The following ANKRD12 variants were observed in gnomAD, a reference collection of about 807,000 sequenced individuals.
ANKRD12 encodes ankyrin repeat domain-containing protein 12.
ANKRD12 carries 85 observed loss-of-function variants against 183.4 expected under a neutral mutation model. The ratio of observed to expected loss-of-function variants is 0.46; its 90% CI spans 0.39 to 0.56. The LOEUF (loss-of-function observed/expected upper bound fraction) is 0.56, where lower values mean the gene tolerates loss of function less well. Ranked by LOEUF, ANKRD12 falls within the 20% of genes least tolerant of loss-of-function variation. The pLI is 0.00. For synonymous variants in ANKRD12, 914 were observed against 800.2 expected (o/e 1.14, Z -2.40); for missense variants, 2,405 against 2,357.1 (o/e 1.02, Z -0.42).
chr18:9,242,012 G>A (rs552632592), intron 8 of ANKRD12, among the ~76,000 whole-genome samples: 1 of 151,040 alleles, frequency 6.6e-6, no homozygotes, highest in South Asian at 2.1e-4. Context: ...GTGTCTATAA[G>A]TCAAAATATC....
At chr18:9,153,498 T>A (rs1468866440) in intron 1 of ANKRD12, among the ~76,000 whole-genome samples, 2 of 152,252 alleles carry the variant, frequency 1.3e-5, no homozygotes, top group South Asian at 2.1e-4. Context: ...CTTGGATTCA[T>A]GTTTACTTAC....
At chr18:9,169,118 C>T (rs2032409211) in intron 1 of ANKRD12, among the ~76,000 whole-genome samples, 1 of 152,076 alleles carries the variant, frequency 6.6e-6, no homozygotes, top group Non-Finnish European at 1.5e-5. Flanking sequence ...TTTACATTTG[C>T]TGAGGAGTGC....
At chr18:9,177,980 T>A (rs1348369877) in intron 1 of ANKRD12, among the ~76,000 whole-genome samples, 1 of 152,252 alleles carries the variant, frequency 6.6e-6, no homozygotes, top group Non-Finnish European at 1.5e-5. Context: ...GTTATTTATA[T>A]GTTCTGGATA....
intron 8 of ANKRD12, among the ~76,000 whole-genome samples, chr18:9,239,926 T>C (rs2037562478): frequency 1.3e-5 from 2 of 152,262 alleles, no homozygotes; most frequent in Non-Finnish European, 2.9e-5. Context: ...ATGCCAGTGC[T>C]ACTCAGAGTA....
chr18:9,193,135 A>ATTTT (rs397751904), intron 2 of ANKRD12, among the ~76,000 whole-genome samples: 2 of 128,466 alleles, frequency 1.6e-5, no homozygotes, highest in Non-Finnish European at 3.3e-5. Context: ...TGAGTACAGC[A>ATTTT]TTTTTTTTTT....
At chr18:9,236,636 C>T (rs954991241) in intron 8 of ANKRD12, among the ~76,000 whole-genome samples, 1 of 128,098 alleles carries the variant, frequency 7.8e-6, no homozygotes, top group African/African-American at 2.9e-5. Context: ...GGAATAGATC[C>T]AGGAGACGTA....
intron 8 of ANKRD12, among the ~76,000 whole-genome samples, chr18:9,253,934 T>C (rs557274188): frequency 1.3e-5 from 2 of 152,286 alleles, no homozygotes; most frequent in South Asian, 4.1e-4. Context: ...CAGGACTATG[T>C]TTTTATACTA....
chr18:9,251,652 T>C lies in ANKRD12; in HGVS notation c.944-2559T>C, dbSNP rs933817107. 1.9e-4 allele frequency among the ~76,000 whole-genome samples: 29 copies of C among 151,888 alleles called. 1 individual carries two copies. The highest frequency in any genetic ancestry group is 6.0e-4 in the African/African-American group (25 of 41,346). ...CTACTGAAGATACAAAAATTAGACA[T>C]GCGTGGTGGCAGGCGCCTGTAGTCC... On this transcript the variant is annotated intron_variant, in intron 8 of 12. Coordinates refer to ENST00000262126, the MANE Select transcript of ANKRD12 (RefSeq NM_015208.5).
intron 4 of ANKRD12, among the ~76,000 whole-genome samples, chr18:9,205,549 G>GC (rs2144565158): frequency 6.6e-6 from 1 of 152,050 alleles, no homozygotes; most frequent in African/African-American, 2.4e-5. Flanking sequence ...AGGGGGTGGG[G>GC]CATATTTACA....
At chr18:9,190,056 T>C (rs1445925162) in intron 2 of ANKRD12, among the ~76,000 whole-genome samples, 1 of 152,256 alleles carries the variant, frequency 6.6e-6, no homozygotes, top group African/African-American at 2.4e-5. Flanking sequence ...TTCACCATTT[T>C]AGATGCCATT....
chr18:9,262,090 CTGAT>C (rs1210818633), intron 9 of ANKRD12, among the ~76,000 whole-genome samples: 3 of 152,182 alleles, frequency 2.0e-5, no homozygotes, highest in Non-Finnish European at 4.4e-5. Flanking sequence ...TGTGATTCAA[CTGAT>C]TGAGTCTTTG....
rs982045052 is a variant in ANKRD12 at position 9,284,030 on chromosome 18, A to G, written c.*2904A>G. 2.0e-5 allele frequency: 3 copies of G among 152,338 alleles called. No homozygotes were observed. Among genetic ancestry groups the G allele is most frequent in the Admixed American group, 2.0e-4 (3 of 15,310 alleles). The allele number at this position is 152,338 out of a possible 1,614,324, so 9.4% of individuals were successfully genotyped here. On this transcript the variant is annotated 3_prime_UTR_variant, in exon 13 of 13. Coordinates refer to ENST00000262126, the MANE Select transcript of ANKRD12 (RefSeq NM_015208.5). Reference sequence around the variant, plus strand: ...AATTTTTTGGTTTCCCAGTGCATATAAAAGTTTTGTTTATACTATATTAAG... The same window carrying G: ...AATTTTTTGGTTTCCCAGTGCATATGAAAGTTTTGTTTATACTATATTAAG...
rs755824178 is a variant in ANKRD12, at chr18:9,257,565, A to G, written c.4298A>G (p.Asp1433Gly). The G allele has an allele frequency of 5.0e-6, 8 of 1,613,944 alleles. No homozygotes were observed. Among genetic ancestry groups the G allele is most frequent in the Non-Finnish European group, 6.8e-6 (8 of 1,179,984 alleles). Residue 1433 changes from aspartate to glycine, a missense_variant, in exon 9 of 13, where the codon GAC becomes GGC. This residue lies in a region of ANKRD12 where 1,983 missense variants were observed against 1,725.9 expected (regional missense o/e 1.15). Transcript: ENST00000262126. ...AGACTAGAGACATTAAGCACCAGAG[A>G]CTTTATCTGCCCAAATTCTAACATA... ...VDRLETLSTR[D>G]FICPNSNIPD...
chr18:9,256,753 C>T lies in ANKRD12; in HGVS notation c.3486C>T (p.Asn1162=), dbSNP rs774258513. The change falls in exon 9 of 13, where the codon AAC becomes AAT. Residue 1162 remains asparagine, a synonymous_variant. Transcript: ENST00000262126. Reference sequence around the variant, plus strand: ...AACAACCTAAAGATGCTGTAAGTAACAGATCACAATCTGTTGACACCAAAA... The same window carrying T: ...AACAACCTAAAGATGCTGTAAGTAATAGATCACAATCTGTTGACACCAAAA... ...KEKQPKDAVS[N]RSQSVDTKNV... 4.3e-6 allele frequency: 7 copies of T among 1,613,502 alleles called. No individual in the cohort carries two copies. The highest frequency in any genetic ancestry group is 1.6e-4 in the Middle Eastern group (1 of 6,078).
chr18:9,149,186 G>C (rs1215917240), intron 1 of ANKRD12, among the ~76,000 whole-genome samples: 6 of 152,062 alleles, frequency 3.9e-5, no homozygotes, highest in Non-Finnish European at 8.8e-5. Context: ...TCTTTTTTCT[G>C]TTAAAAACTG....
chr18:9,262,815 T>TTTTA, intron 9 of ANKRD12, among the ~76,000 whole-genome samples: 1 of 139,058 alleles, frequency 7.2e-6, no homozygotes, highest in Non-Finnish European at 1.5e-5. Context: ...TTTTTTTTTT[T>TTTTA]TGAGACAGAG....
In ANKRD12 at chr18:9,272,257, C is replaced by T. The variant is rs564141856; in HGVS notation, c.5764-3267C>T. ...TCAATTATTTTAGGGGAGAGAGGCTCTGACTTTAGAAAATGTATTTCTTGG... is the reference window on the plus strand; with the variant it reads ...TCAATTATTTTAGGGGAGAGAGGCTTTGACTTTAGAAAATGTATTTCTTGG... On this transcript the variant is annotated intron_variant, in intron 10 of 12. Transcript: ENST00000262126. Among the ~76,000 whole-genome samples, 32 of 152,270 alleles carry T rather than the reference C, an allele frequency of 2.1e-4. 1 individual carries two copies. The highest frequency in any genetic ancestry group is 6.7e-4 in the African/African-American group (28 of 41,568).
At chr18:9,263,481 C>A (rs1313166886) in intron 9 of ANKRD12, among the ~76,000 whole-genome samples, 2 of 151,990 alleles carry the variant, frequency 1.3e-5, no homozygotes, top group African/African-American at 4.8e-5. Flanking sequence ...TTTTGTGACT[C>A]CTCCTTCCCT....
intron 5 of ANKRD12, among the ~76,000 whole-genome samples, chr18:9,211,317 T>G (rs550089995): frequency 6.6e-6 from 1 of 152,252 alleles, no homozygotes; most frequent in Admixed American, 6.5e-5. Context: ...CATTTTAGAG[T>G]ACGTATTTGA....
Sources: gnomAD v4.1 joint callset for allele counts (sites outside exome capture counted in the v4.1 genomes callset) on GRCh38, gnomAD v4.1.1 for gene constraint, gnomAD v4.1.1 regional missense constraint, MANE v1.5 for transcripts, NCBI Gene and HGNC (gene_info 2026-07-23, HGNC 2026-07-21) for gene names.